The following CAP2 variants were observed in gnomAD, a reference collection of about 807,000 sequenced individuals.
The protein encoded by CAP2 is cyclase associated actin cytoskeleton regulatory protein 2.
A neutral mutation model predicts 57.7 loss-of-function variants in CAP2; 24 were observed. The observed-to-expected ratio is 0.42, with a 90% confidence interval of 0.30 to 0.58. The LOEUF is 0.58. Among genes scored for constraint, CAP2 ranks in the 20% least tolerant of loss-of-function variants. The probability of loss-of-function intolerance (pLI) is 0.22; values close to 1 mark genes in which losing one functional copy is unlikely to be tolerated. For synonymous variants in CAP2, 194 were observed against 207.2 expected, an observed-to-expected ratio of 0.94 and a Z score of 0.55; for missense variants, 501 against 590.3, an observed-to-expected ratio of 0.85 and a Z score of 1.57.
intron 6 of CAP2, among the ~76,000 whole-genome samples, chr6:17,509,018 GT>G (rs548329323): frequency 2.0e-4 from 30 of 152,168 alleles, no homozygotes; most frequent in African/African-American, 7.2e-4. Context: ...GCCTCCCAAA[GT>G]GTTGGGATTG....
chr6:17,416,456 T>A (rs1010764306), intron 1 of CAP2, among the ~76,000 whole-genome samples: 1 of 152,200 alleles, frequency 6.6e-6, no homozygotes, highest in Non-Finnish European at 1.5e-5. Flanking sequence ...CAAATAGTCA[T>A]AACTGTGTTA....
intron 1 of CAP2, among the ~76,000 whole-genome samples, chr6:17,396,997 G>T (rs1342315604): frequency 1.3e-5 from 2 of 152,112 alleles, no homozygotes; most frequent in Non-Finnish European, 2.9e-5. Context: ...TATCACATGT[G>T]TATGTATTCC....
chr6:17,457,169 C>A (rs1308079238), intron 3 of CAP2, among the ~76,000 whole-genome samples: 1 of 152,206 alleles, frequency 6.6e-6, no homozygotes, highest in Admixed American at 6.5e-5. Flanking sequence ...TCAAAATTAT[C>A]CCTTTCCTCT....
rs537279173 is a variant in CAP2, at chr6:17,405,783, C to T, written c.-2+12037C>T. Among the ~76,000 whole-genome samples the T allele has an allele frequency of 5.4e-4, 82 of 152,278 alleles. 1 individual carries two copies. The highest frequency in any genetic ancestry group is 1.0e-3 in the Non-Finnish European group (71 of 68,028). ...TGAAACAGGGTCTCACTCTGTCACT[C>T]AGGCTGGAAGGCAGTGACACAATCT... On this transcript the variant is annotated intron_variant, in intron 1 of 12. Transcript: ENST00000229922.
rs183931946 is a variant in CAP2 at position 17,435,545 on chromosome 6, G to T, written c.222+8855G>T. 5.3e-5 allele frequency among the ~76,000 whole-genome samples: 5 copies of T among 93,836 alleles called. No homozygotes were observed. In the East Asian group the frequency reaches 1.8e-3, roughly 34 times the overall value. The allele number at this position is 93,836 out of a possible 152,430, so 61.6% of individuals were successfully genotyped here. Reference sequence around the variant, plus strand: ...GGGGACTGTGGTGGGGTCGGGGGAGGGGGGAGGGATAGCATTGGGAGATAT... The same window carrying T: ...GGGGACTGTGGTGGGGTCGGGGGAGTGGGGAGGGATAGCATTGGGAGATAT... On this transcript the variant is annotated intron_variant, in intron 3 of 12. Coordinates refer to ENST00000229922, the MANE Select transcript of CAP2 (RefSeq NM_006366.3).
At chr6:17,403,571 A>G (rs1189241638) in intron 1 of CAP2, among the ~76,000 whole-genome samples, 2 of 152,226 alleles carry the variant, frequency 1.3e-5, no homozygotes, top group Non-Finnish European at 2.9e-5. Context: ...CATCCTACTA[A>G]TAGTAACAAT....
chr6:17,530,299 T>C (rs1762611189), intron 7 of CAP2, among the ~76,000 whole-genome samples: 1 of 152,146 alleles, frequency 6.6e-6, no homozygotes, highest in Non-Finnish European at 1.5e-5. Context: ...TGTGCTGATC[T>C]CTAACTCCTG....
chr6:17,400,862 C>G (rs1433121580), intron 1 of CAP2, among the ~76,000 whole-genome samples: 3 of 107,184 alleles, frequency 2.8e-5, no homozygotes, highest in East Asian at 4.4e-4. Context: ...GAGACTCCGT[C>G]TCAAAAAAAA....
chr6:17,446,805 G>T (rs1228486207), intron 3 of CAP2, among the ~76,000 whole-genome samples: 3 of 152,228 alleles, frequency 2.0e-5, no homozygotes, highest in Non-Finnish European at 4.4e-5. Context: ...AAAAAACAAA[G>T]TAAAGAGAAA....
chr6:17,404,416 T>C (rs936204001), intron 1 of CAP2, among the ~76,000 whole-genome samples: 14 of 152,182 alleles, frequency 9.2e-5, no homozygotes, highest in Middle Eastern at 3.4e-3. Flanking sequence ...CCATCCTGGC[T>C]AACACGGTGA....
At chr6:17,421,410 C>T (rs1012349604) in intron 1 of CAP2, 145 bp from the exon 2 acceptor site, 5 of 815,944 alleles carry the variant, frequency 6.1e-6, no homozygotes, top group Non-Finnish European at 9.7e-6. Flanking sequence ...AACAATAATA[C>T]ATACAATTTC....
intron 3 of CAP2, among the ~76,000 whole-genome samples, chr6:17,450,953 C>T (rs1404639569): frequency 6.6e-6 from 1 of 152,188 alleles, no homozygotes. Context: ...TTTAAATTAA[C>T]TTGTCTTTAC....
At chr6:17,474,779 C>A (rs114393546) in intron 4 of CAP2, among the ~76,000 whole-genome samples, 68 of 152,256 alleles carry the variant, frequency 4.5e-4, no homozygotes, top group African/African-American at 1.6e-3. Flanking sequence ...CCTCAGGGAT[C>A]TTTAGAGTTG....
chr6:17,526,920 G>T (rs1762524309), intron 7 of CAP2, among the ~76,000 whole-genome samples: 1 of 128,752 alleles, frequency 7.8e-6, no homozygotes, highest in Non-Finnish European at 1.5e-5. Flanking sequence ...TCATGCTACT[G>T]CACTCCAGCC....
At chr6:17,490,687 C>G (rs1361977729) in intron 4 of CAP2, among the ~76,000 whole-genome samples, 1 of 152,124 alleles carries the variant, frequency 6.6e-6, no homozygotes, top group Non-Finnish European at 1.5e-5. Flanking sequence ...CCAATCAGAA[C>G]AAACAGAATG....
chr6:17,485,898 A>C (rs1761406659), intron 4 of CAP2, among the ~76,000 whole-genome samples: 1 of 152,222 alleles, frequency 6.6e-6, no homozygotes, highest in Non-Finnish European at 1.5e-5. Context: ...ATGGAATGGA[A>C]GAAGGACATC....
intron 4 of CAP2, among the ~76,000 whole-genome samples, chr6:17,482,939 G>A (rs966461649): frequency 1.3e-5 from 2 of 152,236 alleles, no homozygotes; most frequent in Non-Finnish European, 2.9e-5. Context: ...GTTATTATCT[G>A]TGTAATGCAG....
At chr6:17,427,940 G>C (rs924256909) in intron 3 of CAP2, among the ~76,000 whole-genome samples, 1 of 152,172 alleles carries the variant, frequency 6.6e-6, no homozygotes, top group Non-Finnish European at 1.5e-5. Context: ...TGCCTAGGGC[G>C]GTCAAATTTG....
At chr6:17,481,986 G>C (rs1387893702) in intron 4 of CAP2, among the ~76,000 whole-genome samples, 1 of 152,174 alleles carries the variant, frequency 6.6e-6, no homozygotes, top group African/African-American at 2.4e-5. Flanking sequence ...CCACCACTGA[G>C]TGAGTGGCTT....
Sources: allele counts gnomAD v4.1 joint callset (sites outside exome capture counted in the v4.1 genomes callset), GRCh38; gene constraint gnomAD v4.1.1; transcripts MANE v1.5; gene names NCBI Gene and HGNC (gene_info 2026-07-23, HGNC 2026-07-21).